The following CCDC93 variants were observed in gnomAD, a reference collection of about 807,000 sequenced individuals.
The protein encoded by CCDC93 is coiled-coil domain-containing protein 93.
Under a neutral mutation model 108.2 loss-of-function variants are expected in CCDC93, and 61 were observed. The observed-to-expected ratio is 0.56, with a 90% CI of 0.46 to 0.70. The LOEUF (loss-of-function observed/expected upper bound fraction) is 0.70. Ranked by LOEUF, CCDC93 falls within the 30% of genes least tolerant of loss-of-function variation. The probability of loss-of-function intolerance (pLI) is 0.00; values close to 1 mark genes in which losing one functional copy is unlikely to be tolerated. For missense variants in CCDC93, 685 were observed against 764.2 expected (o/e 0.90, Z 1.22); for synonymous variants, 276 against 260.4 (o/e 1.06, Z -0.58).
At chr2:117,952,305 A>G (rs1339827926) in intron 13 of CCDC93, 68 bp downstream of exon 13, 3 of 990,398 alleles carry the variant, frequency 3.0e-6, no homozygotes, top group Admixed American at 3.4e-5. Flanking sequence ...ACATCATTCC[A>G]TTAGTGGTTC....
At chr2:117,950,581 G>A (rs1416355623) in intron 13 of CCDC93, 16 of 985,294 alleles carry the variant, frequency 1.6e-5, no homozygotes, top group Non-Finnish European at 1.9e-5. Context: ...TATCCTGGAA[G>A]GGCAGGTTTT....
At chr2:117,934,219 C>T (rs1228778688) in intron 22 of CCDC93, 4 of 152,134 alleles carry the variant, frequency 2.6e-5, no homozygotes, top group Non-Finnish European at 4.4e-5. Flanking sequence ...CCATGAATTC[C>T]TGTTGTTCTT....
intron 11 of CCDC93, among the ~76,000 whole-genome samples, chr2:117,961,267 G>A (rs919921766): frequency 6.6e-6 from 1 of 152,046 alleles, no homozygotes; most frequent in Admixed American, 6.6e-5. Flanking sequence ...ATCTCTATAG[G>A]TACCTCTACC....
chr2:117,922,794 A>C (rs934698703), intron 23 of CCDC93, among the ~76,000 whole-genome samples: 18 of 152,118 alleles, frequency 1.2e-4, no homozygotes, highest in African/African-American at 4.1e-4. Flanking sequence ...TGAAAGTACA[A>C]ATTAAACTGT....
intron 11 of CCDC93, among the ~76,000 whole-genome samples, chr2:117,965,134 A>C (rs75083035): frequency 1.1e-4 from 16 of 151,348 alleles, no homozygotes; most frequent in Admixed American, 3.3e-4. Context: ...CTAGACCCCC[A>C]CCCCTCCTGA....
rs1236499424 is a variant in CCDC93 at position 117,918,203 on chromosome 2, C to G, written c.*2140G>C. 1 of 152,152 alleles carries G rather than the reference C, an allele frequency of 6.6e-6. No homozygotes were observed. The highest frequency in any genetic ancestry group is 1.9e-4 in the East Asian group (1 of 5,188). 9.4% of individuals were successfully genotyped at this position (152,152 alleles called of 1,614,324 possible). ...ATTACTCAGAAAGGCACTGTCCACACTGAGAGTTGTCTGCAGCAAGTGTGA... is the reference window on the plus strand; with the variant it reads ...ATTACTCAGAAAGGCACTGTCCACAGTGAGAGTTGTCTGCAGCAAGTGTGA... On this transcript the variant is annotated 3_prime_UTR_variant, in exon 24 of 24. Coordinates refer to ENST00000376300, the MANE Select transcript of CCDC93 (RefSeq NM_019044.5).
At chr2:117,934,910 C>G (rs1360827864) in intron 22 of CCDC93, 3 of 152,252 alleles carry the variant, frequency 2.0e-5, no homozygotes, top group Non-Finnish European at 4.4e-5. Context: ...GCAGCTGTCT[C>G]TGTAGGAAAA....
At chr2:117,926,682 C>T (rs1205816989) in intron 23 of CCDC93, among the ~76,000 whole-genome samples, 1 of 152,168 alleles carries the variant, frequency 6.6e-6, no homozygotes, top group East Asian at 1.9e-4. Flanking sequence ...CCAAATTCTA[C>T]CAGAGGTACA....
chr2:117,947,545 A>G (rs1678910294), intron 15 of CCDC93, among the ~76,000 whole-genome samples: 2 of 152,226 alleles, frequency 1.3e-5, no homozygotes, highest in Non-Finnish European at 2.9e-5. Flanking sequence ...TCTGTCAACA[A>G]AATATATTTT....
rs1347092000 is a variant in CCDC93 at position 117,993,136 on chromosome 2, C to T, written c.519+2310G>A. Among the ~76,000 whole-genome samples, 4 of 152,266 alleles carry T rather than the reference C, an allele frequency of 2.6e-5. No homozygotes were observed. The East Asian group carries it at 7.7e-4, about 29-fold the overall frequency. On this transcript the variant is annotated intron_variant, in intron 6 of 23. Coordinates refer to ENST00000376300, the MANE Select transcript of CCDC93 (RefSeq NM_019044.5). Reference sequence around the variant, plus strand: ...TTTGGGCCGGGCACTGTGGCTCACGCCTGTAATCCCAGCACTTTGGGAGGC... The same window carrying T: ...TTTGGGCCGGGCACTGTGGCTCACGTCTGTAATCCCAGCACTTTGGGAGGC...
At chr2:117,960,673 A>T (rs1679363493) in intron 11 of CCDC93, among the ~76,000 whole-genome samples, 2 of 152,188 alleles carry the variant, frequency 1.3e-5, no homozygotes, top group East Asian at 3.9e-4. Flanking sequence ...ATGTGGAAAG[A>T]TTATTTCTGT....
chr2:117,925,360 C>T (rs1678043304), intron 23 of CCDC93, among the ~76,000 whole-genome samples: 2 of 152,092 alleles, frequency 1.3e-5, no homozygotes, highest in Non-Finnish European at 2.9e-5. Context: ...CATCAGTGTG[C>T]TGTATTTAGG....
chr2:117,975,178 G>A lies in CCDC93; in HGVS notation c.750+10C>T, dbSNP rs770144036. The A allele has an allele frequency of 6.8e-6, 11 of 1,609,720 alleles. No individual in the cohort carries two copies. Among genetic ancestry groups the A allele is most frequent in the Non-Finnish European group, 8.5e-7 (1 of 1,176,480 alleles). On this transcript the variant is annotated intron_variant, in intron 9 of 23. Transcript: ENST00000376300. ...ACAGAAACCTCAGAGGGCCTACATGGACCACACACCTCTTCAGCTGCTCGA... is the reference window on the plus strand; with the variant it reads ...ACAGAAACCTCAGAGGGCCTACATGAACCACACACCTCTTCAGCTGCTCGA...
rs926334556 is a variant in CCDC93, at chr2:117,968,159, T to C, written c.888+5749A>G. Among the ~76,000 whole-genome samples the C allele has an allele frequency of 2.6e-5, 4 of 152,154 alleles. No individual in the cohort carries two copies. In the South Asian group the frequency reaches 6.2e-4, roughly 24 times the overall value. On this transcript the variant is annotated intron_variant, in intron 11 of 23. Coordinates refer to ENST00000376300, the MANE Select transcript of CCDC93 (RefSeq NM_019044.5). Reference sequence around the variant, plus strand: ...GTATTAAAGCGGTCAAAACGGTGTATGGTTAGTTAGTATGCAGCATTAGGG... The same window carrying C: ...GTATTAAAGCGGTCAAAACGGTGTACGGTTAGTTAGTATGCAGCATTAGGG...
At chr2:117,956,085 C>T (rs1253054642) in intron 12 of CCDC93, among the ~76,000 whole-genome samples, 1 of 152,192 alleles carries the variant, frequency 6.6e-6, no homozygotes, top group Admixed American at 6.5e-5. Context: ...GGAACACAGA[C>T]TCTGAGCAAG....
At chr2:117,991,751 T>C (rs1680480824) in intron 6 of CCDC93, among the ~76,000 whole-genome samples, 2 of 152,254 alleles carry the variant, frequency 1.3e-5, no homozygotes, top group Admixed American at 1.3e-4. Flanking sequence ...TCTACATGTC[T>C]GACCTTATTT....
At chr2:117,936,986 T>C (rs1452501142) in intron 20 of CCDC93, 6 of 510,070 alleles carry the variant, frequency 1.2e-5, no homozygotes, top group Middle Eastern at 9.5e-4. Flanking sequence ...CACAGGAATG[T>C]AGGGAGAAGG....
intron 15 of CCDC93, among the ~76,000 whole-genome samples, 153 bp from the exon 16 acceptor site, chr2:117,947,035 C>T (rs901490073): frequency 6.6e-6 from 1 of 152,222 alleles, no homozygotes; most frequent in African/African-American, 2.4e-5. Context: ...CTCCAATTAT[C>T]AGCCTGGGAA....
Position 117,969,356 on chromosome 2 carries a change from G to A in CCDC93, c.888+4552C>T, listed in dbSNP as rs1460632545. ...CCAACAACCATGTAAGCTTGGAAGC[G>A]AATCCTTCCCCAGTAGAGCCTCAGA... On this transcript the variant is annotated intron_variant, in intron 11 of 23. Coordinates refer to ENST00000376300, the MANE Select transcript of CCDC93 (RefSeq NM_019044.5). 5.3e-5 allele frequency among the ~76,000 whole-genome samples: 8 copies of A among 152,286 alleles called. No homozygotes were observed. In the East Asian group the frequency reaches 7.7e-4, roughly 15 times the overall value.
Sources: allele counts gnomAD v4.1 joint callset (sites outside exome capture counted in the v4.1 genomes callset), GRCh38; gene constraint gnomAD v4.1.1; transcripts MANE v1.5; gene names NCBI Gene and HGNC (gene_info 2026-07-23, HGNC 2026-07-21).